Variants in PPFIA2 observed in about 807,000 individuals in gnomAD.
PPFIA2 encodes liprin-alpha-2.
Under a neutral mutation model 175.5 loss-of-function variants are expected in PPFIA2, and 46 were observed. The ratio of observed to expected loss-of-function variants is 0.26; its 90% CI spans 0.21 to 0.34. The LOEUF (loss-of-function observed/expected upper bound fraction) is 0.34. Ranked by LOEUF, PPFIA2 falls within the 10% of genes least tolerant of loss-of-function variation. PPFIA2 has a pLI of 1.00. For synonymous variants in PPFIA2, 568 were observed against 511.4 expected (o/e 1.11, Z -1.49); for missense variants, 1,179 against 1,506.1 (o/e 0.78, Z 3.60).
rs117018716 is a variant in PPFIA2, at chr12:81,296,359, G to T, written c.2725-1324C>A. Among the ~76,000 whole-genome samples, 1,080 of 152,222 alleles carry T rather than the reference G, an allele frequency of 7.1e-3. 7 individuals are homozygous for T. The highest frequency in any genetic ancestry group is 0.017 in the Middle Eastern group (5 of 294). On this transcript the variant is annotated intron_variant, in intron 23 of 32. Transcript: ENST00000549396. ...TTAGATATTTTGATTTTTCAACTTT[G>T]CTGTGAGACTCTTGAAAGACAATTA...
At chr12:81,517,107 C>CT (rs34341719) in intron 4 of PPFIA2, among the ~76,000 whole-genome samples, 16,168 of 123,634 alleles carry the variant, frequency 0.13, 1,160 homozygotes, top group Non-Finnish European at 0.14. Flanking sequence ...CACATTGTAG[C>CT]TTTTTTTTTT....
At chr12:81,382,646 G>A (rs1026932936) in intron 9 of PPFIA2, among the ~76,000 whole-genome samples, 8 of 152,168 alleles carry the variant, frequency 5.3e-5, no homozygotes, top group Non-Finnish European at 1.2e-4. Flanking sequence ...CTTAAGGACA[G>A]CTTCAAGATT....
rs968801204 is a variant in PPFIA2, at chr12:81,584,617, G to C, written c.303+92174C>G. Among the ~76,000 whole-genome samples the C allele has an allele frequency of 2.0e-5, 3 of 150,522 alleles. No homozygotes were observed. The South Asian group carries it at 6.2e-4, about 31-fold the overall frequency. The stretch of plus-strand genomic sequence containing the variant: ...TAAATCTAGATGGCGAGCCTACTAC[G>C]CATCTAGCCTATATGGCATAGCTTA... On this transcript the variant is annotated intron_variant, in intron 4 of 32. Coordinates refer to ENST00000549396, the MANE Select transcript of PPFIA2 (RefSeq NM_003625.5).
intron 6 of PPFIA2, 46 bp downstream of exon 6, chr12:81,445,510 G>C (rs746347911): frequency 6.4e-7 from 1 of 1,563,290 alleles, no homozygotes; most frequent in East Asian, 2.3e-5. Context: ...GCTTGATGCT[G>C]ATGACAGAAG....
intron 9 of PPFIA2, 106 bp downstream of exon 9, chr12:81,383,917 T>C: frequency 1.2e-6 from 1 of 855,966 alleles, no homozygotes; most frequent in Non-Finnish European, 1.8e-6. Flanking sequence ...CAAAGTATGG[T>C]CTTTTGAGAA....
At chr12:81,598,024 G>T (rs1232580494) in intron 4 of PPFIA2, 1 of 1,535,050 alleles carries the variant, frequency 6.5e-7, no homozygotes, top group Non-Finnish European at 8.7e-7. Context: ...TCATATCCGA[G>T]AAAATCATTT....
chr12:81,415,213 ATATATATATATATATATATATATAT>A lies in PPFIA2; in HGVS notation c.646-9335_646-9311del, dbSNP rs2044955833. 1.3e-3 allele frequency among the ~76,000 whole-genome samples: 26 copies of A among 20,470 alleles called. 1 individual carries two copies. The highest frequency in any genetic ancestry group is 2.2e-3 in the Non-Finnish European group (23 of 10,638). 13.4% of individuals were successfully genotyped at this position (20,470 alleles called of 152,430 possible). A position where few individuals can be genotyped will look rare whatever the true frequency, so the allele number is the denominator to read the frequency against. Reference sequence around the variant, plus strand: ...AAAAAAAAAAAAAAAAAAAAAAAATATATATATATATATATATATATATATATATATATATATATATATATGTTTG... The same window carrying A: ...AAAAAAAAAAAAAAAAAAAAAAAATAATATATATATATATATATATGTTTG... On this transcript the variant is annotated intron_variant, in intron 7 of 32. Transcript: ENST00000549396.
rs577067129 is a variant in PPFIA2, at chr12:81,445,209, G to C, written c.570+347C>G. 9.6e-5 allele frequency among the ~76,000 whole-genome samples: 13 copies of C among 135,244 alleles called. 1 individual carries two copies. The highest frequency in any genetic ancestry group is 2.7e-4 in the African/African-American group (9 of 33,776). The allele number at this position is 135,244 out of a possible 152,430, so 88.7% of individuals were successfully genotyped here. A position where few individuals can be genotyped will look rare whatever the true frequency, so the allele number is the denominator to read the frequency against. ...AATCTATAAAGAAAGACCAAGGTGG[G>C]GGGGGGGGAGGGGGGAGAGAGAGAG... On this transcript the variant is annotated intron_variant, in intron 6 of 32. Coordinates refer to ENST00000549396, the MANE Select transcript of PPFIA2 (RefSeq NM_003625.5).
intron 4 of PPFIA2, among the ~76,000 whole-genome samples, chr12:81,565,491 A>G (rs2071094550): frequency 2.6e-5 from 4 of 152,146 alleles, no homozygotes; most frequent in Admixed American, 2.6e-4. Flanking sequence ...CTGTCTATCT[A>G]TCTACCTATC....
At chr12:81,683,058 T>C (rs2073914322) in intron 3 of PPFIA2, among the ~76,000 whole-genome samples, 1 of 152,078 alleles carries the variant, frequency 6.6e-6, no homozygotes. Flanking sequence ...ATACTGCTAC[T>C]TCAATCTCCA....
chr12:81,464,403 A>G (rs1566938908), intron 4 of PPFIA2, among the ~76,000 whole-genome samples: 1 of 152,136 alleles, frequency 6.6e-6, no homozygotes, highest in South Asian at 2.1e-4. Context: ...GCTGGTGCCA[A>G]CATCCCTGAA....
At position 81,358,071 on chromosome 12, in the gene PPFIA2, A is replaced by T. The variant is rs751290067; in HGVS notation, c.1773+11T>A. 4.4e-6 allele frequency: 7 copies of T among 1,573,236 alleles called. No individual in the cohort carries two copies. The highest frequency in any genetic ancestry group is 6.0e-6 in the Non-Finnish European group (7 of 1,163,038). On this transcript the variant is annotated intron_variant, in intron 16 of 32. Transcript: ENST00000549396. ...ATAAAACTAGAGAAGAGTTGAAGTT[A>T]AAAGATTAACCTTTGGCTCATCTCT...
Position 81,281,298 on chromosome 12 carries a change from T to A in PPFIA2, c.3171A>T (p.Lys1057Asn). The change falls in exon 27 of 33, where the codon AAA becomes AAT. Residue 1057 changes from lysine to asparagine, a missense_variant. Transcript: ENST00000549396. ...CCATTTTTAAATGGACACGGAGATCTTTTTTTGTTAGGTGATCTAACATTC... is the reference window on the plus strand; with the variant it reads ...CCATTTTTAAATGGACACGGAGATCATTTTTTGTTAGGTGATCTAACATTC... ...DARMLDHLTKKDLRVHLKMVD... is the reference protein window; with the variant it reads ...DARMLDHLTKNDLRVHLKMVD... 6.2e-7 allele frequency: 1 copy of A among 1,608,214 alleles called. No homozygotes were observed. Among genetic ancestry groups the A allele is most frequent in the Non-Finnish European group, 8.5e-7 (1 of 1,176,408 alleles).
intron 4 of PPFIA2, among the ~76,000 whole-genome samples, chr12:81,605,096 A>T (rs565586054): frequency 3.9e-4 from 59 of 151,964 alleles, no homozygotes; most frequent in African/African-American, 1.3e-3. Flanking sequence ...AATTCAACTC[A>T]CATATTTTTA....
At chr12:81,614,816 T>G (rs550950833) in intron 4 of PPFIA2, among the ~76,000 whole-genome samples, 12 of 152,272 alleles carry the variant, frequency 7.9e-5, no homozygotes, top group Admixed American at 6.5e-4. Context: ...TCTTCTAGAA[T>G]AGTAATAATA....
chr12:81,406,017 A>G (rs2042874495), intron 7 of PPFIA2, 114 bp from the exon 8 acceptor site: 1 of 553,198 alleles, frequency 1.8e-6, no homozygotes, highest in South Asian at 2.7e-5. Context: ...AATAACCAGA[A>G]AGTGAACATT....
At chr12:81,604,707 T>C (rs1163396352) in intron 4 of PPFIA2, among the ~76,000 whole-genome samples, 1 of 151,638 alleles carries the variant, frequency 6.6e-6, no homozygotes, top group Non-Finnish European at 1.5e-5. Context: ...GTAAATAACA[T>C]ACCCATTTTA....
chr12:81,280,698 T>TCAG (rs2041895367), intron 27 of PPFIA2, among the ~76,000 whole-genome samples: 1 of 152,112 alleles, frequency 6.6e-6, no homozygotes, highest in Non-Finnish European at 1.5e-5. Flanking sequence ...AGACATTGCC[T>TCAG]TTTGTTCAAC....
intron 2 of PPFIA2, 57 bp downstream of exon 2, chr12:81,758,343 A>T: frequency 2.2e-6 from 1 of 454,500 alleles, no homozygotes; most frequent in Non-Finnish European, 4.4e-6. Context: ...GGGGCCGGGG[A>T]GGTGGTCAAA....
Sources: gnomAD v4.1 joint callset for allele counts (sites outside exome capture counted in the v4.1 genomes callset) on GRCh38, gnomAD v4.1.1 for gene constraint, MANE v1.5 for transcripts, NCBI Gene and HGNC (gene_info 2026-07-23, HGNC 2026-07-21) for gene names.